The following NUP153 variants were observed in gnomAD, a reference collection of about 807,000 sequenced individuals.
NUP153 encodes the protein nuclear pore complex protein Nup153.
Under a neutral mutation model 134.6 loss-of-function variants are expected in NUP153, and 27 were observed. That is an observed-to-expected ratio of 0.20 (90% CI 0.15 to 0.28). The LOEUF is 0.28. Ranked by LOEUF, NUP153 falls within the 10% of genes least tolerant of loss-of-function variation. The pLI, the probability that NUP153 is intolerant of heterozygous loss-of-function variation, is 1.00. For missense variants in NUP153, 1,821 were observed against 1,731.3 expected (o/e 1.05, Z -0.92); for synonymous variants, 640 against 623.5 (o/e 1.03, Z -0.40).
intron 15 of NUP153, among the ~76,000 whole-genome samples, chr6:17,639,012 G>A (rs745987579): frequency 6.6e-5 from 10 of 152,056 alleles, no homozygotes; most frequent in African/African-American, 1.2e-4. Context: ...TGGTGGGTAC[G>A]TTTAAATTCT....
At chr6:17,679,906 C>T (rs571021348) in intron 2 of NUP153, among the ~76,000 whole-genome samples, 20 of 152,214 alleles carry the variant, frequency 1.3e-4, no homozygotes, top group African/African-American at 2.6e-4. Context: ...GGAAGGAATG[C>T]GAAATAACTG....
At chr6:17,621,323 T>C (rs1306061719) in intron 20 of NUP153, among the ~76,000 whole-genome samples, 1 of 152,102 alleles carries the variant, frequency 6.6e-6, no homozygotes, top group Non-Finnish European at 1.5e-5. Context: ...AAAAATAGAA[T>C]CACCTTATGA....
intron 2 of NUP153, among the ~76,000 whole-genome samples, 190 bp downstream of exon 2, chr6:17,688,206 T>C (rs1387237646): frequency 6.6e-6 from 1 of 152,214 alleles, no homozygotes; most frequent in Non-Finnish European, 1.5e-5. Flanking sequence ...TTAACTGATA[T>C]AGTTTATCAA....
At chr6:17,618,219 T>C (rs1236813325) in intron 20 of NUP153, among the ~76,000 whole-genome samples, 4 of 152,184 alleles carry the variant, frequency 2.6e-5, no homozygotes, top group African/African-American at 9.7e-5. Context: ...AAATCTACAA[T>C]GAAATTCAAG....
chr6:17,630,036 A>G (rs540072566), intron 17 of NUP153, among the ~76,000 whole-genome samples: 2 of 152,378 alleles, frequency 1.3e-5, no homozygotes, highest in East Asian at 3.9e-4. Context: ...TGTGTCCAAG[A>G]TAATCCCTGA....
intron 2 of NUP153, among the ~76,000 whole-genome samples, chr6:17,688,104 C>T (rs1475158642): frequency 1.3e-5 from 2 of 150,930 alleles, no homozygotes; most frequent in Non-Finnish European, 1.5e-5. Context: ...GGCCACAGAG[C>T]GAGACTCCGT....
chr6:17,653,537 C>T (rs1047998349), intron 11 of NUP153, among the ~76,000 whole-genome samples: 3 of 152,256 alleles, frequency 2.0e-5, no homozygotes, highest in African/African-American at 7.2e-5. Context: ...TACAACTTAG[C>T]ACCTCTTCTT....
At chr6:17,674,873 A>G in intron 5 of NUP153, 32 bp downstream of exon 5, 4 of 1,479,890 alleles carry the variant, frequency 2.7e-6, no homozygotes, top group Non-Finnish European at 3.6e-6. Context: ...AAAAGAAAAA[A>G]AAAGATCATC....
intron 11 of NUP153, among the ~76,000 whole-genome samples, chr6:17,649,749 GT>G (rs1272853493): frequency 6.6e-6 from 1 of 152,050 alleles, no homozygotes; most frequent in Non-Finnish European, 1.5e-5. Flanking sequence ...TGTTATAATT[GT>G]TCTATTTTAT....
chr6:17,666,759 C>A (rs1767556912), intron 8 of NUP153, among the ~76,000 whole-genome samples: 1 of 152,162 alleles, frequency 6.6e-6, no homozygotes, highest in Non-Finnish European at 1.5e-5. Context: ...AGTAAAAATC[C>A]TGTTGGTATA....
In NUP153 at chr6:17,632,430, CCACCTGGAGAAAAGATACCT is replaced by C. The variant is rs567509579; in HGVS notation, c.2659+200_2659+219del. 4.0e-3 allele frequency among the ~76,000 whole-genome samples: 608 copies of C among 152,020 alleles called. 5 individuals are homozygous for C. Among genetic ancestry groups the C allele is most frequent in the Admixed American group, 9.2e-3 (140 of 15,270 alleles). ...TCAATGACACAAGAAATTTTTTTTC[CCACCTGGAGAAAAGATACCT>C]CACTGTTGACAAGCAACTAATATGA... On this transcript the variant is annotated intron_variant, in intron 17 of 21. Coordinates refer to ENST00000262077, the MANE Select transcript of NUP153 (RefSeq NM_005124.4).
At chr6:17,646,374 A>AT (rs1294889217) in intron 13 of NUP153, among the ~76,000 whole-genome samples, 1 of 151,932 alleles carries the variant, frequency 6.6e-6, no homozygotes, top group Non-Finnish European at 1.5e-5. Context: ...CACCCGGCTA[A>AT]TTTTTTGTAT....
At chr6:17,701,296 G>A (rs185319701) in intron 1 of NUP153, among the ~76,000 whole-genome samples, 15 of 151,646 alleles carry the variant, frequency 9.9e-5, no homozygotes, top group Admixed American at 2.0e-4. Context: ...TTGAGAGGCC[G>A]AGGAGGCCAG....
chr6:17,633,779 G>A (rs1408790346), intron 16 of NUP153, among the ~76,000 whole-genome samples: 5 of 152,032 alleles, frequency 3.3e-5, no homozygotes, highest in Admixed American at 1.3e-4. Flanking sequence ...TACAACTGTC[G>A]CCACCTCTTC....
At chr6:17,654,155 G>A (rs909513622) in intron 11 of NUP153, among the ~76,000 whole-genome samples, 1 of 152,074 alleles carries the variant, frequency 6.6e-6, no homozygotes, top group African/African-American at 2.4e-5. Flanking sequence ...GAGGGAGGAG[G>A]AACAAACAAA....
chr6:17,657,202 TTATTAA>T (rs1242412190), intron 11 of NUP153, among the ~76,000 whole-genome samples: 1 of 151,946 alleles, frequency 6.6e-6, no homozygotes, highest in African/African-American at 2.4e-5. Flanking sequence ...ACTGAACAGT[TTATTAA>T]TATTAATAAT....
At chr6:17,634,998 G>A (rs925389721) in intron 16 of NUP153, among the ~76,000 whole-genome samples, 8 of 149,242 alleles carry the variant, frequency 5.4e-5, no homozygotes, top group South Asian at 2.1e-4. Flanking sequence ...AAAATAAATC[G>A]CAAAAGAATC....
intron 20 of NUP153, among the ~76,000 whole-genome samples, chr6:17,623,198 C>A (rs1378180678): frequency 6.6e-6 from 1 of 150,926 alleles, no homozygotes; most frequent in African/African-American, 2.4e-5. Flanking sequence ...AGAAACTTTC[C>A]AATTTCATAT....
At chr6:17,677,459 T>C (rs1318463835) in intron 2 of NUP153, among the ~76,000 whole-genome samples, 1 of 152,128 alleles carries the variant, frequency 6.6e-6, no homozygotes. Flanking sequence ...TAACCAAAGG[T>C]AGCAGACAAA....
Sources: allele counts gnomAD v4.1 joint callset (sites outside exome capture counted in the v4.1 genomes callset), GRCh38; gene constraint gnomAD v4.1.1; transcripts MANE v1.5; gene names NCBI Gene and HGNC (gene_info 2026-07-23, HGNC 2026-07-21).